Variants in RET observed in about 807,000 individuals in gnomAD.
RET encodes proto-oncogene tyrosine-protein kinase receptor Ret.
Under a neutral mutation model 118.3 loss-of-function variants are expected in RET, and 19 were observed. The observed-to-expected ratio is 0.16, with a 90% CI of 0.11 to 0.24. The LOEUF is 0.24. Among genes scored for constraint, RET ranks in the 10% least tolerant of loss-of-function variants. The pLI is 1.00. For missense variants in RET, 1,219 were observed against 1,502.1 expected (o/e 0.81, Z 3.12); for synonymous variants, 597 against 644.1 (o/e 0.93, Z 1.11).
At position 43,100,859 on chromosome 10, in the gene RET, G is replaced by T. The variant is rs2505530; in HGVS notation, c.337+137G>T. ...GTGTGGAAGGCGTCAGGGGTTAAGT[G>T]AGGCTGGCCTGCCTCTGTGTCCAGC... On this transcript the variant is annotated intron_variant, in intron 2 of 19. Transcript: ENST00000355710. The T allele has an allele frequency of 0.34, 329,472 of 957,616 alleles. 59,395 individuals are homozygous for T. Among genetic ancestry groups the T allele is most frequent in the Admixed American group, 0.44 (21,500 of 49,416 alleles). The allele number at this position is 957,616 out of a possible 1,614,324, so 59.3% of individuals were successfully genotyped here. A position where few individuals can be genotyped will look rare whatever the true frequency, so the allele number is the denominator to read the frequency against.
At position 43,102,512 on chromosome 10, in the gene RET, A is replaced by G. The variant is rs1478683595; in HGVS notation, c.508A>G (p.Thr170Ala). ...GCCCCGGGAGCTCTGCTTCCCAGAG[A>G]CAAGGCCCTCCTTCCGCATTCGGGA... ...LKPRELCFPETRPSFRIRENR... is the reference protein window; with the variant it reads ...LKPRELCFPEARPSFRIRENR... Residue 170 changes from threonine to alanine, a missense_variant, in exon 3 of 20, where the codon ACA becomes GCA. Coordinates refer to ENST00000355710, the MANE Select transcript of RET (RefSeq NM_020975.6). 6.2e-7 allele frequency: 1 copy of G among 1,614,072 alleles called. No homozygotes were observed. Among genetic ancestry groups the G allele is most frequent in the Non-Finnish European group, 8.5e-7 (1 of 1,180,000 alleles).
At chr10:43,127,488 T>C in intron 19 of RET, 1 of 1,035,168 alleles carries the variant, frequency 9.7e-7, no homozygotes, top group Non-Finnish European at 1.2e-6. Flanking sequence ...TTGTCTTTGA[T>C]TAAATACTAG....
chr10:43,109,090 C>T lies in RET; in HGVS notation c.1123C>T (p.Leu375=), dbSNP rs2132744116. 6.2e-7 allele frequency: 1 copy of T among 1,613,800 alleles called. No homozygotes were observed. The highest frequency in any genetic ancestry group is 8.5e-7 in the Non-Finnish European group (1 of 1,180,008). The change falls in exon 6 of 20, where the codon CTG becomes TTG. Residue 375 remains leucine (L), a synonymous_variant. Coordinates refer to ENST00000355710, the MANE Select transcript of RET (RefSeq NM_020975.6). ...GAACCGCACCATGCAGCTGGCGGTG[C>T]TGGTCAATGACTCAGACTTCCAGGG... is the stretch of plus-strand genomic sequence containing the variant. ...SENRTMQLAV[L]VNDSDFQGPG...
chr10:43,120,752 G>T (rs894156105), intron 15 of RET, among the ~76,000 whole-genome samples: 2 of 152,114 alleles, frequency 1.3e-5, no homozygotes, highest in African/African-American at 4.8e-5. Flanking sequence ...GGGCACCCTT[G>T]GGGACACCTG....
intron 1 of RET, among the ~76,000 whole-genome samples, chr10:43,098,951 G>A (rs1253482055): frequency 6.6e-6 from 1 of 152,182 alleles, no homozygotes; most frequent in Non-Finnish European, 1.5e-5. Flanking sequence ...CAATTTTTAA[G>A]TTTTTGGGAA....
chr10:43,083,883 T>C (rs1019944116), intron 1 of RET, among the ~76,000 whole-genome samples: 1 of 152,246 alleles, frequency 6.6e-6, no homozygotes, highest in African/African-American at 2.4e-5. Context: ...ATTGCCTTAG[T>C]TCCAAAAAAT....
chr10:43,116,788 G>A (rs895059997), intron 12 of RET, 57 bp downstream of exon 12: 3 of 912,112 alleles, frequency 3.3e-6, no homozygotes, highest in Non-Finnish European at 5.3e-6. Context: ...CGGGGGGCGG[G>A]TGAGGCCCCT....
rs2132983842 is a variant in RET, at chr10:43,121,947, G to A, written c.2732G>A (p.Gly911Asp). ...EEDSYVKRSQ[G>D]RIPVKWMAIE... is the part of the protein sequence containing the mutation. ...GTCTTTATTCCATCTTCTCTTTAGG[G>A]TCGGATTCCAGTTAAATGGATGGCA... The change falls in exon 16 of 20, where the codon GGT (glycine) becomes GAT (aspartate). Residue 911 changes from glycine (G) to aspartate (D), a missense_variant and splice_region_variant. Gly to Asp is a moderately conservative substitution (Grantham distance 94). This residue lies in a region of RET where 73 missense variants were observed against 156.5 expected (regional missense o/e 0.47). Transcript: ENST00000355710. The A allele has an allele frequency of 6.2e-7, 1 of 1,611,208 alleles. No homozygotes were observed. The highest frequency in any genetic ancestry group is 2.2e-5 in the East Asian group (1 of 44,868).
At position 43,102,557 on chromosome 10, in the gene RET, T is replaced by C. The variant is rs1048022444; in HGVS notation, c.553T>C (p.Phe185Leu). 6.8e-6 allele frequency: 11 copies of C among 1,614,172 alleles called. No individual in the cohort carries two copies. The highest frequency in any genetic ancestry group is 9.3e-6 in the Non-Finnish European group (11 of 1,180,036). ...TCGGGAGAACCGACCCCCAGGCACC[T>C]TCCACCAGTTCCGCCTGCTGCCTGT... The part of the protein sequence containing the change: ...RIRENRPPGT[F>L]HQFRLLPVQF... Residue 185 changes from phenylalanine (F) to leucine (L), a missense_variant, in exon 3 of 20, where the codon TTC becomes CTC. By Grantham distance (22) the Phe-to-Leu change is conservative. Around this residue, in one of 5 missense-constraint regions of RET, gnomAD observed 850 missense variants for 969.6 expected, o/e 0.88. Transcript: ENST00000355710.
rs1837922208 is a variant in RET, at chr10:43,111,396, G to T, written c.1453G>T (p.Val485Leu). 1.9e-6 allele frequency: 3 copies of T among 1,614,004 alleles called. No individual in the cohort carries two copies. Among genetic ancestry groups the T allele is most frequent in the Non-Finnish European group, 2.5e-6 (3 of 1,180,028 alleles). Residue 485 changes from valine to leucine, a missense_variant, in exon 7 of 20, where the codon GTG becomes TTG. Val to Leu is a conservative substitution (Grantham distance 32). Coordinates refer to ENST00000355710, the MANE Select transcript of RET (RefSeq NM_020975.6). ...RPKCAELHYM[V>L]VATDQQTSRQ... ...CAAGTGTGCCGAACTTCACTACATG[G>T]TGGTGGCCACCGACCAGCAGACCTC... is the stretch of plus-strand genomic sequence containing the variant.
intron 2 of RET, 104 bp downstream of exon 2, chr10:43,100,826 C>A (rs561416785): frequency 7.7e-6 from 10 of 1,303,214 alleles, no homozygotes; most frequent in Middle Eastern, 2.5e-4. Flanking sequence ...GCTTCCCCCC[C>A]ACCGCTGGTG....
rs1837741714 is a variant in RET, at chr10:43,105,211, C to T, written c.867+18C>T. ...GGAAGGAGGTGCTTGTCCGCGCGTG[C>T]TGTGGTCTACCCAGTGTCTGTCTCC... On this transcript the variant is annotated intron_variant, in intron 4 of 19. Transcript: ENST00000355710. 1.9e-6 allele frequency: 3 copies of T among 1,612,354 alleles called. No individual in the cohort carries two copies. The highest frequency in any genetic ancestry group is 2.7e-5 in the African/African-American group (2 of 74,928).
chr10:43,095,100 G>A (rs558992204), intron 1 of RET, among the ~76,000 whole-genome samples: 1 of 152,282 alleles, frequency 6.6e-6, no homozygotes, highest in African/African-American at 2.4e-5. Flanking sequence ...TCCCAGCTGG[G>A]GTCAGAGCCT....
At chr10:43,102,955 G>T in intron 3 of RET, 1 of 412,678 alleles carries the variant, frequency 2.4e-6, no homozygotes, top group Non-Finnish European at 4.6e-6. Context: ...GGGAAACGCT[G>T]AAGAGGAGGG....
Position 43,129,774 on chromosome 10 carries a change from T to C in RET, c.*1505T>C, listed in dbSNP as rs1201409403. ...CTTGGATGCGTGTGTAATAGAGCCT[T>C]GTGGTGTGTGCGCACACACCCAGAG... On this transcript the variant is annotated 3_prime_UTR_variant, in exon 20 of 20. Transcript: ENST00000355710. 2.5e-6 allele frequency: 1 copy of C among 393,504 alleles called. No individual in the cohort carries two copies. Among genetic ancestry groups the C allele is most frequent in the African/African-American group, 2.1e-5 (1 of 48,534 alleles). 24.4% of individuals were successfully genotyped at this position (393,504 alleles called of 1,614,324 possible). A position where few individuals can be genotyped will look rare whatever the true frequency, so the allele number is the denominator to read the frequency against.
At chr10:43,085,575 G>C (rs964723147) in intron 1 of RET, among the ~76,000 whole-genome samples, 2 of 152,186 alleles carry the variant, frequency 1.3e-5, no homozygotes, top group African/African-American at 4.8e-5. Context: ...CTCCTGCATA[G>C]ACATCACGTG....
intron 19 of RET, chr10:43,127,166 A>C: frequency 9.0e-7 from 1 of 1,107,238 alleles, no homozygotes; most frequent in Non-Finnish European, 1.1e-6. Flanking sequence ...AGGTTCCCCC[A>C]GACCCCTCCT....
intron 1 of RET, among the ~76,000 whole-genome samples, chr10:43,097,392 G>A (rs1167504201): frequency 6.6e-6 from 1 of 152,162 alleles, no homozygotes; most frequent in East Asian, 1.9e-4. Context: ...GGCCAGAGGT[G>A]TGTGTCCCAG....
intron 1 of RET, among the ~76,000 whole-genome samples, chr10:43,087,742 AG>A (rs1456687434): frequency 3.3e-5 from 5 of 152,234 alleles, no homozygotes; most frequent in Non-Finnish European, 1.5e-5. Flanking sequence ...AACAGCGGGC[AG>A]GATGAGCCAG....
Sources: allele counts gnomAD v4.1 joint callset (sites outside exome capture counted in the v4.1 genomes callset), GRCh38; gene constraint gnomAD v4.1.1; regional missense constraint gnomAD v4.1.1; transcripts MANE v1.5; gene names NCBI Gene and HGNC (gene_info 2026-07-23, HGNC 2026-07-21).